SNTG1: variants seen among roughly 807,000 people sequenced by gnomAD.
SNTG1 encodes gamma-1-syntrophin.
In SNTG1, 39 loss-of-function variants were observed where a neutral mutation model predicts 74.7. That is an observed-to-expected ratio of 0.52 (90% confidence interval 0.40 to 0.68). The LOEUF (loss-of-function observed/expected upper bound fraction) is 0.68. SNTG1 is among the 30% of genes least tolerant of loss of function. The probability of loss-of-function intolerance (pLI) is 0.00; values close to 1 mark genes in which losing one functional copy is unlikely to be tolerated. For missense variants in SNTG1, 685 were observed against 609.5 expected (o/e 1.12, Z -1.30); for synonymous variants, 254 against 217.1 (o/e 1.17, Z -1.49).
chr8:50,619,700 C>T (rs1215342335), intron 13 of SNTG1, among the ~76,000 whole-genome samples: 2 of 142,436 alleles, frequency 1.4e-5, no homozygotes, highest in Non-Finnish European at 3.0e-5. Flanking sequence ...CACTGCACTG[C>T]AGCCTGGGCG....
rs773705338 is a variant in SNTG1 at position 49,950,702 on chromosome 8, G to A, written c.-103+38471G>A. On this transcript the variant is annotated intron_variant, in intron 1 of 18. Transcript: ENST00000642720. The stretch of plus-strand genomic sequence containing the variant: ...ATAAAAGTAATATGTTGTGTATTTT[G>A]CTTAAGAAAAAGGGTATGTTTGATC... Among the ~76,000 whole-genome samples, 4 of 152,230 alleles carry A rather than the reference G, an allele frequency of 2.6e-5. No individual in the cohort carries two copies. In the East Asian group the frequency reaches 7.7e-4, roughly 29 times the overall value.
At chr8:50,479,899 C>G (rs1406540649) in intron 8 of SNTG1, among the ~76,000 whole-genome samples, 3 of 152,124 alleles carry the variant, frequency 2.0e-5, no homozygotes, top group African/African-American at 7.2e-5. Flanking sequence ...TTCCTGGGCT[C>G]TTAATGAATG....
chr8:50,295,484 A>T lies in SNTG1; in HGVS notation c.-27-98728A>T, dbSNP rs190265201. ...ATACGATTTTTTATCCAAACAGAGC[A>T]GTGTTTCATTGAACATATTGCAGCT... On this transcript the variant is annotated intron_variant, in intron 2 of 18. Transcript: ENST00000642720. Among the ~76,000 whole-genome samples, 30 of 152,302 alleles carry T rather than the reference A, an allele frequency of 2.0e-4. 1 individual carries two copies. The highest frequency in any genetic ancestry group is 1.8e-3 in the Admixed American group (27 of 15,286).
At chr8:50,206,791 G>C (rs1400990959) in intron 2 of SNTG1, among the ~76,000 whole-genome samples, 1 of 152,048 alleles carries the variant, frequency 6.6e-6, no homozygotes, top group Non-Finnish European at 1.5e-5. Context: ...GTTGAATTTT[G>C]TCAAAGGCCT....
In SNTG1 at chr8:50,523,378, T is replaced by C. The variant is rs1001767721; in HGVS notation, c.467-6799T>C. Among the ~76,000 whole-genome samples the C allele has an allele frequency of 2.0e-5, 3 of 152,256 alleles. No individual in the cohort carries two copies. In the East Asian group the frequency reaches 5.8e-4, roughly 29 times the overall value. On this transcript the variant is annotated intron_variant, in intron 9 of 18. Transcript: ENST00000642720. Reference sequence around the variant, plus strand: ...GAAGAGGCTAAGCTTTTGGCTTATCTTGGCTTTCAATATGACTTCTTCACT... The same window carrying C: ...GAAGAGGCTAAGCTTTTGGCTTATCCTGGCTTTCAATATGACTTCTTCACT...
chr8:50,062,445 A>T (rs1189052060), intron 1 of SNTG1, among the ~76,000 whole-genome samples: 1 of 152,088 alleles, frequency 6.6e-6, no homozygotes, highest in Non-Finnish European at 1.5e-5. Context: ...TGGTGAATAC[A>T]CATTTAAGAT....
At chr8:50,178,047 G>A (rs1221585681) in intron 2 of SNTG1, among the ~76,000 whole-genome samples, 1 of 152,080 alleles carries the variant, frequency 6.6e-6, no homozygotes, top group African/African-American at 2.4e-5. Flanking sequence ...AGGTTTGATA[G>A]CTGATTTTTT....
chr8:50,234,322 C>T (rs1488841145), intron 2 of SNTG1, among the ~76,000 whole-genome samples: 1 of 151,756 alleles, frequency 6.6e-6, no homozygotes, highest in African/African-American at 2.4e-5. Flanking sequence ...TGAGTGATGC[C>T]ACTGAATGAC....
At chr8:50,185,720 TTTC>T (rs1466520849) in intron 2 of SNTG1, among the ~76,000 whole-genome samples, 1 of 152,212 alleles carries the variant, frequency 6.6e-6, no homozygotes, top group African/African-American at 2.4e-5. Context: ...AATATTCTTT[TTTC>T]TTTTTCCTCA....
chr8:49,926,786 C>G (rs1293921101), intron 1 of SNTG1, among the ~76,000 whole-genome samples: 1 of 151,830 alleles, frequency 6.6e-6, no homozygotes, highest in Non-Finnish European at 1.5e-5. Context: ...AAGGCAATGT[C>G]AAGAGAATAA....
chr8:49,958,583 G>A (rs781510731), intron 1 of SNTG1, among the ~76,000 whole-genome samples: 2 of 152,050 alleles, frequency 1.3e-5, no homozygotes, highest in Non-Finnish European at 2.9e-5. Context: ...ACCACGCCTG[G>A]CTAATTTTGG....
intron 8 of SNTG1, among the ~76,000 whole-genome samples, chr8:50,454,989 T>C (rs2093491913): frequency 6.6e-6 from 1 of 152,148 alleles, no homozygotes; most frequent in Non-Finnish European, 1.5e-5. Flanking sequence ...ATCATTTCTT[T>C]AGATTTTAAT....
At chr8:50,712,526 T>A (rs1268746732) in intron 17 of SNTG1, among the ~76,000 whole-genome samples, 1 of 152,204 alleles carries the variant, frequency 6.6e-6, no homozygotes. Flanking sequence ...CTTGGATACA[T>A]GTGCAAAACA....
Position 50,765,717 on chromosome 8 carries a change from T to C in SNTG1, c.1395+13606T>C, listed in dbSNP as rs182220342. On this transcript the variant is annotated intron_variant, in intron 18 of 18. Transcript: ENST00000642720. ...TCTCACTCTTGATAACCCCAATGAA[T>C]AGTGACAAAAAATATTTTTAAAGTT... is the stretch of plus-strand genomic sequence containing the variant. Among the ~76,000 whole-genome samples the C allele has an allele frequency of 9.1e-4, 138 of 152,084 alleles. 2 individuals carry two copies. Among genetic ancestry groups the C allele is most frequent in the Middle Eastern group, 6.8e-3 (2 of 294 alleles).
intron 18 of SNTG1, among the ~76,000 whole-genome samples, chr8:50,779,158 T>C (rs2095650527): frequency 6.6e-6 from 1 of 152,180 alleles, no homozygotes; most frequent in Non-Finnish European, 1.5e-5. Context: ...CTCTGTTCTT[T>C]TGGCTTAGGA....
intron 9 of SNTG1, among the ~76,000 whole-genome samples, chr8:50,522,109 G>C (rs969293684): frequency 6.6e-6 from 1 of 152,074 alleles, no homozygotes; most frequent in Non-Finnish European, 1.5e-5. Flanking sequence ...AGCTGTCCCT[G>C]TATTAAATAT....
intron 2 of SNTG1, among the ~76,000 whole-genome samples, chr8:50,349,578 T>G (rs1040987155): frequency 6.6e-6 from 1 of 152,218 alleles, no homozygotes; most frequent in African/African-American, 2.4e-5. Context: ...TATTCTTTTT[T>G]TTACATATTT....
chr8:49,948,918 C>A (rs1302692914), intron 1 of SNTG1, among the ~76,000 whole-genome samples: 1 of 152,180 alleles, frequency 6.6e-6, no homozygotes, highest in Non-Finnish European at 1.5e-5. Context: ...GTCTTTCCTG[C>A]TACTTCTTCC....
At chr8:50,721,612 A>G (rs1413550330) in intron 17 of SNTG1, among the ~76,000 whole-genome samples, 1 of 152,230 alleles carries the variant, frequency 6.6e-6, no homozygotes, top group African/African-American at 2.4e-5. Flanking sequence ...ATCATGTTCA[A>G]TAAATGAGTC....
Sources: allele counts gnomAD v4.1 joint callset (sites outside exome capture counted in the v4.1 genomes callset), GRCh38; gene constraint gnomAD v4.1.1; transcripts MANE v1.5; gene names NCBI Gene and HGNC (gene_info 2026-07-23, HGNC 2026-07-21).